Variants in DGKI observed in about 807,000 individuals in gnomAD.
The protein encoded by DGKI is diacylglycerol kinase iota.
In DGKI, 55 loss-of-function variants were observed where a neutral mutation model predicts 147.5. The observed-to-expected ratio is 0.37, with a 90% CI of 0.30 to 0.47. DGKI has a LOEUF of 0.47. DGKI is among the 20% of genes least tolerant of loss of function. The pLI, the probability that DGKI is intolerant of heterozygous loss-of-function variation, is 1.00. For missense variants in DGKI, 1,007 were observed against 1,323.8 expected (o/e 0.76, Z 3.71); for synonymous variants, 469 against 477.1 (o/e 0.98, Z 0.22).
intron 3 of DGKI, among the ~76,000 whole-genome samples, chr7:137,668,567 C>T (rs1411992013): frequency 6.6e-6 from 1 of 152,188 alleles, no homozygotes; most frequent in Non-Finnish European, 1.5e-5. Flanking sequence ...CTATTCAGTT[C>T]AATCACTTAT....
intron 30 of DGKI, among the ~76,000 whole-genome samples, chr7:137,406,537 G>T (rs1315569969): frequency 1.3e-5 from 2 of 152,112 alleles, no homozygotes; most frequent in Non-Finnish European, 2.9e-5. Flanking sequence ...CAGACCAAGG[G>T]TTCAAGCAGA....
intron 1 of DGKI, among the ~76,000 whole-genome samples, chr7:137,817,044 G>A (rs1231464257): frequency 6.6e-6 from 1 of 152,020 alleles, no homozygotes; most frequent in East Asian, 1.9e-4. Flanking sequence ...GATAAACACT[G>A]TTATCATTCT....
chr7:137,559,557 T>C (rs1295172911), intron 19 of DGKI, among the ~76,000 whole-genome samples: 2 of 152,200 alleles, frequency 1.3e-5, no homozygotes, highest in African/African-American at 4.8e-5. Flanking sequence ...GTAGCAATTA[T>C]TGCATACTTA....
chr7:137,516,553 T>TA (rs1335320219), intron 21 of DGKI, among the ~76,000 whole-genome samples: 5 of 151,820 alleles, frequency 3.3e-5, no homozygotes, highest in Admixed American at 6.6e-5. Context: ...TCACATTTTT[T>TA]AAAAAAAGAA....
At position 137,390,627 on chromosome 7, in the gene DGKI, G is replaced by T. The variant is rs934401309; in HGVS notation, c.*593C>A. On this transcript the variant is annotated 3_prime_UTR_variant, in exon 33 of 33. Transcript: ENST00000614521. ...CAGCTCCTATATAATGAAACGGAGG[G>T]TTGGCGGGTGAGGGGGACATGCAGA... 2 of 153,408 alleles carry T rather than the reference G, an allele frequency of 1.3e-5. No individual in the cohort carries two copies. The highest frequency in any genetic ancestry group is 4.8e-5 in the African/African-American group (2 of 41,430). 9.5% of individuals were successfully genotyped at this position (153,408 alleles called of 1,614,324 possible). A position where few individuals can be genotyped will look rare whatever the true frequency, so the allele number is the denominator to read the frequency against.
At chr7:137,632,307 G>A (rs997233179) in intron 6 of DGKI, among the ~76,000 whole-genome samples, 1 of 152,210 alleles carries the variant, frequency 6.6e-6, no homozygotes, top group African/African-American at 2.4e-5. Flanking sequence ...ACCTAAGCTA[G>A]TTTTCAAAGA....
chr7:137,568,907 T>C (rs1818684808), intron 19 of DGKI, among the ~76,000 whole-genome samples: 1 of 149,386 alleles, frequency 6.7e-6, no homozygotes, highest in African/African-American at 2.5e-5. Flanking sequence ...TTATACTAAT[T>C]ATACAATTGT....
chr7:137,647,634 G>C (rs1212555593), intron 5 of DGKI, among the ~76,000 whole-genome samples: 1 of 152,184 alleles, frequency 6.6e-6, no homozygotes, highest in Non-Finnish European at 1.5e-5. Flanking sequence ...CCAGTTATCA[G>C]TATCTATCCC....
chr7:137,526,338 G>A (rs1228673440), intron 20 of DGKI, among the ~76,000 whole-genome samples: 1 of 151,042 alleles, frequency 6.6e-6, no homozygotes, highest in Non-Finnish European at 1.5e-5. Flanking sequence ...CTCCCTAGAA[G>A]GGATTTAGCA....
intron 21 of DGKI, among the ~76,000 whole-genome samples, chr7:137,499,785 G>A (rs865961835): frequency 1.6e-4 from 25 of 152,006 alleles, no homozygotes; most frequent in African/African-American, 6.0e-4. Flanking sequence ...GTATCCTGTG[G>A]GACTTCTTGG....
intron 8 of DGKI, among the ~76,000 whole-genome samples, chr7:137,619,187 C>G (rs922037090): frequency 1.3e-5 from 2 of 152,170 alleles, no homozygotes; most frequent in African/African-American, 2.4e-5. Context: ...CATTTTATTT[C>G]AAAGATTACG....
At chr7:137,831,435 T>C (rs994674889) in intron 1 of DGKI, among the ~76,000 whole-genome samples, 103 of 152,320 alleles carry the variant, frequency 6.8e-4, no homozygotes, top group Non-Finnish European at 2.5e-4. Flanking sequence ...AAGGAGGAAC[T>C]AGTCACAACT....
intron 1 of DGKI, among the ~76,000 whole-genome samples, chr7:137,695,952 C>T (rs1452628500): frequency 6.6e-6 from 1 of 152,150 alleles, no homozygotes; most frequent in East Asian, 1.9e-4. Flanking sequence ...TAGCGCCTAA[C>T]TCAGAGAATA....
intron 23 of DGKI, among the ~76,000 whole-genome samples, chr7:137,476,082 G>A (rs1434828150): frequency 6.6e-6 from 1 of 152,156 alleles, no homozygotes; most frequent in Non-Finnish European, 1.5e-5. Context: ...GCCAAGAAGT[G>A]CCAGCAGATA....
intron 6 of DGKI, among the ~76,000 whole-genome samples, chr7:137,627,550 CA>C (rs779825646): frequency 6.6e-6 from 1 of 152,038 alleles, no homozygotes; most frequent in South Asian, 2.1e-4. Context: ...TCCTTCCAGG[CA>C]AAAAAACTAA....
At position 137,728,298 on chromosome 7, in the gene DGKI, A is replaced by T. The variant is rs549848459; in HGVS notation, c.402-38296T>A. 4.0e-4 allele frequency among the ~76,000 whole-genome samples: 61 copies of T among 152,192 alleles called. 1 individual carries two copies. The highest frequency in any genetic ancestry group is 3.4e-3 in the Middle Eastern group (1 of 294). On this transcript the variant is annotated intron_variant, in intron 1 of 32. Transcript: ENST00000614521. Reference sequence around the variant, plus strand: ...CTGAAGGCACAAGAGGCTCAATCAGACCTCAGCACCACAAGCTCAGAAACC... The same window carrying T: ...CTGAAGGCACAAGAGGCTCAATCAGTCCTCAGCACCACAAGCTCAGAAACC...
intron 15 of DGKI, among the ~76,000 whole-genome samples, chr7:137,580,544 C>T (rs1819152193): frequency 6.6e-6 from 1 of 152,154 alleles, no homozygotes; most frequent in South Asian, 2.1e-4. Flanking sequence ...TCTCTTCAAA[C>T]AGCATCATTC....
chr7:137,698,450 GAGC>G (rs1392622542), intron 1 of DGKI, among the ~76,000 whole-genome samples: 3 of 152,082 alleles, frequency 2.0e-5, no homozygotes, highest in Non-Finnish European at 4.4e-5. Flanking sequence ...AGAAGTTCTG[GAGC>G]TGGATTGCCC....
intron 30 of DGKI, among the ~76,000 whole-genome samples, chr7:137,404,866 A>G (rs1811884703): frequency 6.6e-6 from 1 of 152,098 alleles, no homozygotes; most frequent in Non-Finnish European, 1.5e-5. Flanking sequence ...GTGATGAGAA[A>G]CTGATTTGTA....
Sources: gnomAD v4.1 joint callset for allele counts (sites outside exome capture counted in the v4.1 genomes callset) on GRCh38, gnomAD v4.1.1 for gene constraint, MANE v1.5 for transcripts, NCBI Gene and HGNC (gene_info 2026-07-23, HGNC 2026-07-21) for gene names.